FHIP1A: variants seen among roughly 807,000 people sequenced by gnomAD.
The protein encoded by FHIP1A is FHF complex subunit HOOK-interacting protein 1A.
A neutral mutation model predicts 88.6 loss-of-function variants in FHIP1A; 61 were observed. That is an observed-to-expected ratio of 0.69 (90% CI 0.56 to 0.85). FHIP1A has a LOEUF of 0.85. Among genes scored for constraint, FHIP1A ranks in the 40% least tolerant of loss-of-function variants. The pLI is 0.00. For missense variants in FHIP1A, 1,154 were observed against 1,273.5 expected, an observed-to-expected ratio of 0.91 and a Z score of 1.43; for synonymous variants, 478 against 496.0, an observed-to-expected ratio of 0.96 and a Z score of 0.48.
At chr4:151,588,589 G>A (rs1027092477) in intron 6 of FHIP1A, among the ~76,000 whole-genome samples, 4 of 152,130 alleles carry the variant, frequency 2.6e-5, no homozygotes, top group Non-Finnish European at 4.4e-5. Flanking sequence ...TTCCAAATAC[G>A]CAGTTTAAAA....
At chr4:151,517,316 G>C (rs1374124470) in intron 3 of FHIP1A, among the ~76,000 whole-genome samples, 1 of 152,032 alleles carries the variant, frequency 6.6e-6, no homozygotes, top group Non-Finnish European at 1.5e-5. Flanking sequence ...TTGGGGGAGG[G>C]GGGAGGCATA....
At chr4:151,452,369 C>A (rs533245935) in intron 1 of FHIP1A, among the ~76,000 whole-genome samples, 5 of 152,262 alleles carry the variant, frequency 3.3e-5, no homozygotes, top group African/African-American at 1.2e-4. Context: ...GAGATATGAA[C>A]ACTTTACCTC....
At chr4:151,469,778 C>G (rs1729446319) in intron 2 of FHIP1A, among the ~76,000 whole-genome samples, 1 of 152,078 alleles carries the variant, frequency 6.6e-6, no homozygotes, top group African/African-American at 2.4e-5. Flanking sequence ...AAATAAAACC[C>G]CTCTTCTTTT....
rs1295457560 is a variant in FHIP1A at position 151,649,804 on chromosome 4, C to T, written c.1763C>T (p.Ser588Phe). 6 of 1,551,676 alleles carry T rather than the reference C, an allele frequency of 3.9e-6. No individual in the cohort carries two copies. In the East Asian group the frequency reaches 1.2e-4, roughly 32 times the overall value. ...EWDDSYDTGI[S>F]SGADVGSPGP... ...GATGACAGCTATGACACTGGAATCTCCTCAGGGGCTGACGTGGGCTCCCCA... is the reference window on the plus strand; with the variant it reads ...GATGACAGCTATGACACTGGAATCTTCTCAGGGGCTGACGTGGGCTCCCCA... Residue 588 changes from serine (S) to phenylalanine (F), a missense_variant, in exon 11 of 14, where the codon TCC becomes TTC. Ser to Phe is a radical substitution (Grantham distance 155). Transcript: ENST00000435205.
chr4:151,581,370 A>G (rs1734020161), intron 5 of FHIP1A, among the ~76,000 whole-genome samples: 1 of 152,100 alleles, frequency 6.6e-6, no homozygotes, highest in Non-Finnish European at 1.5e-5. Context: ...TGAAAAAATC[A>G]GAGTGTTCTG....
intron 3 of FHIP1A, among the ~76,000 whole-genome samples, chr4:151,513,817 C>T (rs1288380862): frequency 6.6e-6 from 1 of 150,760 alleles, no homozygotes; most frequent in Non-Finnish European, 1.5e-5. Flanking sequence ...TCCTGAGTGA[C>T]CTACAAAGAG....
chr4:151,428,674 C>G (rs907665272), intron 1 of FHIP1A, among the ~76,000 whole-genome samples: 1 of 152,166 alleles, frequency 6.6e-6, no homozygotes, highest in Non-Finnish European at 1.5e-5. Context: ...GTGCAAGGCT[C>G]CCCAACTGTC....
At chr4:151,412,985 T>A (rs1034564763) in intron 1 of FHIP1A, among the ~76,000 whole-genome samples, 2 of 151,968 alleles carry the variant, frequency 1.3e-5, no homozygotes, top group African/African-American at 2.4e-5. Flanking sequence ...TGCCTGGCCC[T>A]CTTATTTCTT....
intron 2 of FHIP1A, among the ~76,000 whole-genome samples, chr4:151,475,980 G>A (rs1729685448): frequency 6.6e-6 from 1 of 151,304 alleles, no homozygotes; most frequent in Non-Finnish European, 1.5e-5. Flanking sequence ...TCCTGCCTTA[G>A]CCTCCTGAGT....
intron 3 of FHIP1A, chr4:151,534,717 A>G (rs1732003204): frequency 6.6e-6 from 1 of 152,224 alleles, no homozygotes; most frequent in Non-Finnish European, 1.5e-5. Context: ...GAATCCAAGA[A>G]CAAGTTAATC....
chr4:151,591,921 A>G (rs1734446464), intron 7 of FHIP1A, among the ~76,000 whole-genome samples: 1 of 152,142 alleles, frequency 6.6e-6, no homozygotes, highest in African/African-American at 2.4e-5. Context: ...GTGCTGTAAT[A>G]TATATACGTA....
rs112134831 is a variant in FHIP1A at position 151,658,169 on chromosome 4, G to C, written c.2869+1271G>C. Among the ~76,000 whole-genome samples, 1,479 of 152,294 alleles carry C rather than the reference G, an allele frequency of 9.7e-3. 20 individuals carry two copies. The highest frequency in any genetic ancestry group is 0.034 in the African/African-American group (1,406 of 41,556). On this transcript the variant is annotated intron_variant, in intron 13 of 13. Coordinates refer to ENST00000435205, the MANE Select transcript of FHIP1A (RefSeq NM_001109977.3). Reference sequence around the variant, plus strand: ...TGTGGCCTCCTTAGACACATGGGTGGTAAGTGTGTGACCTGTGTTCCTCCT... The same window carrying C: ...TGTGGCCTCCTTAGACACATGGGTGCTAAGTGTGTGACCTGTGTTCCTCCT...
chr4:151,655,933 A>C (rs1390927455), intron 11 of FHIP1A, among the ~76,000 whole-genome samples: 1 of 152,220 alleles, frequency 6.6e-6, no homozygotes, highest in East Asian at 1.9e-4. Context: ...TAATTTTAAA[A>C]AGTTAAATTA....
chr4:151,504,602 G>T (rs746273406), intron 3 of FHIP1A, among the ~76,000 whole-genome samples: 4,383 of 64,322 alleles, frequency 0.068, 79 homozygotes, highest in African/African-American at 0.1. Context: ...GTTATGTTAT[G>T]TTATGTCATG....
intron 2 of FHIP1A, among the ~76,000 whole-genome samples, chr4:151,467,986 TAAAAAA>T (rs34475856): frequency 1.5e-5 from 2 of 133,758 alleles, no homozygotes; most frequent in African/African-American, 5.6e-5. Context: ...TCCCGGAACT[TAAAAAA>T]AAAAAAAAAA....
intron 3 of FHIP1A, among the ~76,000 whole-genome samples, chr4:151,535,051 C>T (rs964310925): frequency 6.6e-6 from 1 of 151,922 alleles, no homozygotes; most frequent in South Asian, 2.1e-4. Context: ...ACTGTCTCTA[C>T]AAAAAGTAAA....
intron 2 of FHIP1A, among the ~76,000 whole-genome samples, chr4:151,477,504 T>C (rs1423553723): frequency 2.0e-5 from 3 of 152,014 alleles, no homozygotes; most frequent in Non-Finnish European, 4.4e-5. Context: ...AAAGAAGAGA[T>C]TGATATATTT....
chr4:151,620,411 A>T (rs1326399395), intron 7 of FHIP1A, among the ~76,000 whole-genome samples: 2 of 152,230 alleles, frequency 1.3e-5, no homozygotes, highest in Non-Finnish European at 2.9e-5. Flanking sequence ...ATTTGCAGAA[A>T]TGCCCTATAT....
At chr4:151,540,992 C>CT (rs1047341720) in intron 3 of FHIP1A, among the ~76,000 whole-genome samples, 1 of 152,184 alleles carries the variant, frequency 6.6e-6, no homozygotes, top group African/African-American at 2.4e-5. Flanking sequence ...TATCCTCGTG[C>CT]TTTTTGAGTA....
Sources: gnomAD v4.1 joint callset for allele counts (sites outside exome capture counted in the v4.1 genomes callset) on GRCh38, gnomAD v4.1.1 for gene constraint, MANE v1.5 for transcripts, NCBI Gene and HGNC (gene_info 2026-07-23, HGNC 2026-07-21) for gene names.